Variants in PCMTD1 observed in about 807,000 individuals in gnomAD.
The protein encoded by PCMTD1 is protein-L-isoaspartate O-methyltransferase domain-containing protein 1.
A neutral mutation model predicts 37.6 loss-of-function variants in PCMTD1; 12 were observed. That is an observed-to-expected ratio of 0.32 (90% CI 0.20 to 0.52). The LOEUF (loss-of-function observed/expected upper bound fraction) is 0.52. Ranked by LOEUF, PCMTD1 falls within the 20% of genes least tolerant of loss-of-function variation. The pLI, the probability that PCMTD1 is intolerant of heterozygous loss-of-function variation, is 0.97. For missense variants in PCMTD1, 235 were observed against 421.3 expected (o/e 0.56, Z 3.87); for synonymous variants, 117 against 135.8 (o/e 0.86, Z 0.96).
rs1419614527 is a variant in PCMTD1 at position 51,885,372 on chromosome 8, CCTGA to C, written c.-96+13554_-96+13557del. Among the ~76,000 whole-genome samples, 4 of 152,132 alleles carry C rather than the reference CCTGA, an allele frequency of 2.6e-5. No homozygotes were observed. In the East Asian group the frequency reaches 7.7e-4, roughly 29 times the overall value. ...CAGAGAGGGGAAGTTAGACGCCAGC[CCTGA>C]CTAAGAGTACTGAGGGTGGCAGTTA... On this transcript the variant is annotated intron_variant, in intron 1 of 5. Transcript: ENST00000522514.
chr8:51,850,199 T>C, intron 2 of PCMTD1: 1 of 630,172 alleles, frequency 1.6e-6, no homozygotes, highest in Non-Finnish European at 2.8e-6. Flanking sequence ...CGGTTCCCAC[T>C]GTATAATAGT....
intron 5 of PCMTD1, among the ~76,000 whole-genome samples, chr8:51,824,410 A>T (rs963116720): frequency 1.3e-5 from 2 of 152,216 alleles, no homozygotes; most frequent in Non-Finnish European, 2.9e-5. Context: ...TAACAGACAA[A>T]CAGAAAGCCA....
At chr8:51,827,178 G>A (rs956807195) in intron 5 of PCMTD1, 16 of 1,063,226 alleles carry the variant, frequency 1.5e-5, no homozygotes, top group Non-Finnish European at 1.7e-5. Flanking sequence ...CTATTTTCAT[G>A]CTCTGAATAT....
At chr8:51,864,979 A>G (rs1477204638) in intron 1 of PCMTD1, among the ~76,000 whole-genome samples, 3 of 152,134 alleles carry the variant, frequency 2.0e-5, no homozygotes, top group African/African-American at 7.2e-5. Context: ...CTCTAACAAT[A>G]AAGTCAGAAA....
At chr8:51,867,476 G>GT (rs1241435002) in intron 1 of PCMTD1, among the ~76,000 whole-genome samples, 12 of 141,484 alleles carry the variant, frequency 8.5e-5, no homozygotes, top group African/African-American at 2.9e-4. Flanking sequence ...TAAAGAAAAT[G>GT]GTGTGTGTGT....
intron 1 of PCMTD1, among the ~76,000 whole-genome samples, chr8:51,880,360 G>A (rs1297931461): frequency 6.6e-6 from 1 of 152,092 alleles, no homozygotes; most frequent in Non-Finnish European, 1.5e-5. Context: ...GATTCATAAT[G>A]ATGTTTTTAA....
At chr8:51,821,143 TTTTG>T (rs1410529046) in intron 5 of PCMTD1, among the ~76,000 whole-genome samples, 8 of 152,162 alleles carry the variant, frequency 5.3e-5, no homozygotes, top group Non-Finnish European at 7.3e-5. Flanking sequence ...CCTATGAAGT[TTTTG>T]TTTGTTTGTT....
At chr8:51,885,266 G>A (rs979114491) in intron 1 of PCMTD1, among the ~76,000 whole-genome samples, 1 of 152,072 alleles carries the variant, frequency 6.6e-6, no homozygotes, top group African/African-American at 2.4e-5. Flanking sequence ...ATTGGGGGGC[G>A]GGGAGGATAT....
chr8:51,818,676 T>A lies in PCMTD1; in HGVS notation c.*1675A>T, dbSNP rs1171136741. ...TGTAGAAATAACCCCAATTCCACCA[T>A]CCCAGCCACTGGTATAAAACAAATA... On this transcript the variant is annotated 3_prime_UTR_variant, in exon 6 of 6. Transcript: ENST00000522514. 6.6e-6 allele frequency: 1 copy of A among 152,336 alleles called. No individual in the cohort carries two copies. The highest frequency in any genetic ancestry group is 2.4e-5 in the African/African-American group (1 of 41,486). 9.4% of individuals were successfully genotyped at this position (152,336 alleles called of 1,614,324 possible). A position where few individuals can be genotyped will look rare whatever the true frequency, so the allele number is the denominator to read the frequency against.
At chr8:51,851,341 AC>A (rs2038304457) in intron 2 of PCMTD1, among the ~76,000 whole-genome samples, 1 of 152,236 alleles carries the variant, frequency 6.6e-6, no homozygotes, top group Non-Finnish European at 1.5e-5. Context: ...AAATATGTTT[AC>A]ATAAGATCTC....
intron 1 of PCMTD1, among the ~76,000 whole-genome samples, chr8:51,863,659 C>T (rs1028142021): frequency 1.3e-5 from 2 of 152,152 alleles, no homozygotes; most frequent in African/African-American, 4.8e-5. Context: ...CGGTGGCTCA[C>T]GCCTGTAATC....
intron 1 of PCMTD1, among the ~76,000 whole-genome samples, chr8:51,863,900 C>A (rs1050143633): frequency 6.7e-6 from 1 of 148,684 alleles, no homozygotes; most frequent in Non-Finnish European, 1.5e-5. Context: ...GCACTCCAGT[C>A]TGGGCGACAG....
intron 3 of PCMTD1, chr8:51,845,383 C>T (rs1047628623): frequency 1.4e-5 from 4 of 294,950 alleles, no homozygotes; most frequent in Admixed American, 4.5e-5. Context: ...AGCATTATTA[C>T]ACTGTATCTC....
intron 2 of PCMTD1, among the ~76,000 whole-genome samples, chr8:51,854,372 G>A (rs1007707620): frequency 1.5e-5 from 1 of 65,706 alleles, no homozygotes; most frequent in African/African-American, 2.6e-5. Flanking sequence ...GTAAGTGAGA[G>A]GGGGAAAAAA....
intron 1 of PCMTD1, among the ~76,000 whole-genome samples, chr8:51,882,054 A>C (rs1476986468): frequency 1.5e-5 from 1 of 66,718 alleles, no homozygotes; most frequent in Non-Finnish European, 7.8e-5. Context: ...TATAAGCCTT[A>C]GTCTTTTCAG....
chr8:51,835,252 C>G (rs1054687460), intron 3 of PCMTD1, among the ~76,000 whole-genome samples: 1 of 152,192 alleles, frequency 6.6e-6, no homozygotes, highest in Non-Finnish European at 1.5e-5. Flanking sequence ...TCCTTCTACC[C>G]TTAATAAATG....
At chr8:51,829,690 A>G (rs1563336603) in intron 5 of PCMTD1, among the ~76,000 whole-genome samples, 1 of 152,082 alleles carries the variant, frequency 6.6e-6, no homozygotes, top group Non-Finnish European at 1.5e-5. Flanking sequence ...GAATTGCTTG[A>G]GCCCAGGAGG....
chr8:51,880,428 T>C (rs1435352760), intron 1 of PCMTD1, among the ~76,000 whole-genome samples: 2 of 152,218 alleles, frequency 1.3e-5, no homozygotes, highest in East Asian at 3.8e-4. Context: ...TCTCTTACTA[T>C]GTTTTCTTAC....
intron 1 of PCMTD1, among the ~76,000 whole-genome samples, chr8:51,877,378 AG>A (rs1483394840): frequency 1.3e-5 from 2 of 152,242 alleles, no homozygotes; most frequent in Admixed American, 6.5e-5. Flanking sequence ...AGTAACTTGC[AG>A]GATGCTGAGA....
Sources: gnomAD v4.1 joint callset for allele counts (sites outside exome capture counted in the v4.1 genomes callset) on GRCh38, gnomAD v4.1.1 for gene constraint, MANE v1.5 for transcripts, NCBI Gene and HGNC (gene_info 2026-07-23, HGNC 2026-07-21) for gene names.